The following SMARCC1 variants were observed in gnomAD, a reference collection of about 807,000 sequenced individuals.
SMARCC1 encodes the protein SWI/SNF related BAF chromatin remodeling complex subunit C1, also known as SWI/SNF complex subunit SMARCC1.
A neutral mutation model predicts 147.4 loss-of-function variants in SMARCC1; 43 were observed. That is an observed-to-expected ratio of 0.29 (90% CI 0.23 to 0.38). The LOEUF is 0.38. Among genes scored for constraint, SMARCC1 ranks in the 10% least tolerant of loss-of-function variants. The probability of loss-of-function intolerance (pLI) is 1.00; values close to 1 mark genes in which losing one functional copy is unlikely to be tolerated. For synonymous variants in SMARCC1, 495 were observed against 484.4 expected (o/e 1.02, Z -0.29); for missense variants, 1,119 against 1,381.1 (o/e 0.81, Z 3.01).
At chr3:47,732,963 C>A (rs2034393555) in intron 5 of SMARCC1, among the ~76,000 whole-genome samples, 1 of 151,868 alleles carries the variant, frequency 6.6e-6, no homozygotes, top group African/African-American at 2.4e-5. Context: ...CAAAAATTAG[C>A]CAGATGTGGT....
chr3:47,637,695 G>C (rs970622103), intron 22 of SMARCC1, among the ~76,000 whole-genome samples: 2 of 144,184 alleles, frequency 1.4e-5, no homozygotes, highest in Non-Finnish European at 3.0e-5. Flanking sequence ...CTGTGCGACA[G>C]AGTGAGACTC....
chr3:47,600,312 C>T (rs2032363162), intron 26 of SMARCC1, among the ~76,000 whole-genome samples: 2 of 152,166 alleles, frequency 1.3e-5, no homozygotes, highest in Admixed American at 6.5e-5. Context: ...TGTCCCTTTG[C>T]CATTCAGAGG....
chr3:47,701,580 C>T (rs949401322), intron 10 of SMARCC1, 178 bp from the exon 11 acceptor site: 42 of 568,644 alleles, frequency 7.4e-5, no homozygotes, highest in African/African-American at 6.6e-4. Context: ...TTTGGGAGGC[C>T]GAGGCAGGTG....
At chr3:47,602,046 G>C (rs1207703014) in intron 26 of SMARCC1, among the ~76,000 whole-genome samples, 1 of 152,010 alleles carries the variant, frequency 6.6e-6, no homozygotes, top group Non-Finnish European at 1.5e-5. Context: ...CCAGGGGTGG[G>C]TTAGAAAGTG....
intron 26 of SMARCC1, among the ~76,000 whole-genome samples, chr3:47,605,290 C>CAT (rs1304441280): frequency 1.3e-5 from 2 of 152,202 alleles, no homozygotes; most frequent in Non-Finnish European, 2.9e-5. Context: ...TATCAAAAGA[C>CAT]GTGCTCATGT....
chr3:47,597,389 C>T (rs1368816874), intron 26 of SMARCC1, among the ~76,000 whole-genome samples: 1 of 152,108 alleles, frequency 6.6e-6, no homozygotes, highest in Non-Finnish European at 1.5e-5. Flanking sequence ...GTTGCCCAGG[C>T]TGGAGTGCAG....
intron 1 of SMARCC1, among the ~76,000 whole-genome samples, chr3:47,777,981 G>A (rs138039544): frequency 0.045 from 6,731 of 150,950 alleles, 503 homozygotes; most frequent in African/African-American, 0.15. Flanking sequence ...TGAGGCTGGC[G>A]GATCACCTGA....
intron 6 of SMARCC1, among the ~76,000 whole-genome samples, chr3:47,721,972 T>C (rs1396700359): frequency 6.6e-6 from 1 of 152,166 alleles, no homozygotes; most frequent in African/African-American, 2.4e-5. Flanking sequence ...GGGCTATTAA[T>C]AAGTACACTC....
intron 26 of SMARCC1, among the ~76,000 whole-genome samples, chr3:47,595,892 G>A (rs986665663): frequency 1.3e-5 from 2 of 151,540 alleles, no homozygotes; most frequent in Admixed American, 6.6e-5. Flanking sequence ...GTGCCACCAC[G>A]CCCAGCTAAT....
chr3:47,734,289 T>A (rs956381618), intron 5 of SMARCC1, among the ~76,000 whole-genome samples: 4 of 152,080 alleles, frequency 2.6e-5, no homozygotes, highest in African/African-American at 9.7e-5. Flanking sequence ...ATGATACTAG[T>A]GAAAAAAGGA....
At chr3:47,671,192 A>AAAAAAAAAAAAC (rs1187503410) in intron 18 of SMARCC1, among the ~76,000 whole-genome samples, 1 of 147,932 alleles carries the variant, frequency 6.8e-6, no homozygotes, top group Non-Finnish European at 1.5e-5. Context: ...AAAAAAAAAA[A>AAAAAAAAAAAAC]AAAAAACACA....
chr3:47,630,744 T>C (rs2032875874), intron 24 of SMARCC1, among the ~76,000 whole-genome samples: 2 of 152,176 alleles, frequency 1.3e-5, no homozygotes, highest in South Asian at 4.1e-4. Context: ...GACTAAAGTA[T>C]ACAATGACAT....
Position 47,610,327 on chromosome 3 carries a change from G to A in SMARCC1, c.2782C>T (p.Leu928=). The stretch of plus-strand genomic sequence containing the variant: ...AGCAACTGCTGCCTCTGTTGTTCTA[G>A]CTGTAAGCAAAGGAAGTGGAAGAGA... ...ETIMDREKEA[L]EQQRQQLLTE... Residue 928 remains leucine, a splice_region_variant and synonymous_variant, in exon 26 of 28, where the codon CTA becomes TTA. Coordinates refer to ENST00000254480, the MANE Select transcript of SMARCC1 (RefSeq NM_003074.4). The A allele has an allele frequency of 6.2e-7, 1 of 1,614,106 alleles. No homozygotes were observed.
chr3:47,671,196 A>ACAAAAAAAAAAACAAC (rs1553681998), intron 18 of SMARCC1, among the ~76,000 whole-genome samples: 2 of 81,144 alleles, frequency 2.5e-5, no homozygotes, highest in African/African-American at 8.0e-5. Context: ...AAAAAAAAAA[A>ACAAAAAAAAAAACAAC]AACACACACA....
chr3:47,710,738 T>C lies in SMARCC1; in HGVS notation c.863A>G (p.Asp288Gly), dbSNP rs145098762. 1 of 1,613,466 alleles carries C rather than the reference T, an allele frequency of 6.2e-7. No individual in the cohort carries two copies. The highest frequency in any genetic ancestry group is 8.5e-7 in the Non-Finnish European group (1 of 1,179,672). ...AAAACTCACAGGCTTCCTATTTTCA[T>C]CCACCTCATAATCCTCCTCATTCAT... ...EWMNEEDYEV[D>G]ENRKPVSFRQ... The change falls in exon 9 of 28, where the codon GAT becomes GGT. Residue 288 changes from aspartate (D) to glycine (G), a missense_variant. Asp to Gly is a moderately conservative substitution (Grantham distance 94, BLOSUM62 -1). Coordinates refer to ENST00000254480, the MANE Select transcript of SMARCC1 (RefSeq NM_003074.4).
chr3:47,602,065 T>C (rs1309763620), intron 26 of SMARCC1, among the ~76,000 whole-genome samples: 2 of 152,070 alleles, frequency 1.3e-5, no homozygotes, highest in African/African-American at 4.8e-5. Context: ...TGGTGATTGG[T>C]TGTAATCCTT....
intron 7 of SMARCC1, 30 bp downstream of exon 7, chr3:47,720,636 A>T: frequency 7.1e-7 from 1 of 1,401,294 alleles, no homozygotes; most frequent in Non-Finnish European, 1.0e-6. Flanking sequence ...AGAAATCTTT[A>T]TACCAGGTCT....
At chr3:47,746,055 T>A in intron 2 of SMARCC1, 62 bp from the exon 3 acceptor site, 1 of 1,022,738 alleles carries the variant, frequency 9.8e-7, no homozygotes, top group Non-Finnish European at 1.5e-6. Context: ...ACTCATGTCT[T>A]AATTCTAAGT....
In SMARCC1 at chr3:47,638,758, C is replaced by T; in HGVS notation, c.2343G>A (p.Met781Ile). The change falls in exon 22 of 28, where the codon ATG (methionine) becomes ATA (isoleucine). Residue 781 changes from methionine (M) to isoleucine (I), a missense_variant. By Grantham distance (10) the Met-to-Ile change is conservative (BLOSUM62 1). Transcript: ENST00000254480. Reference protein sequence around the residue: ...EKLEGAEEEKMEADPDGQQPE... With the variant: ...EKLEGAEEEKIEADPDGQQPE... ...GCTGCTGACCATCAGGGTCGGCTTCCATTTTTTCCTCTTCAGCTCCTTCTA... is the reference window on the plus strand; with the variant it reads ...GCTGCTGACCATCAGGGTCGGCTTCTATTTTTTCCTCTTCAGCTCCTTCTA... 1 of 1,613,454 alleles carries T rather than the reference C, an allele frequency of 6.2e-7. No homozygotes were observed. The highest frequency in any genetic ancestry group is 1.7e-4 in the Middle Eastern group (1 of 6,058).
Sources: gnomAD v4.1 joint callset for allele counts (sites outside exome capture counted in the v4.1 genomes callset) on GRCh38, gnomAD v4.1.1 for gene constraint, MANE v1.5 for transcripts, NCBI Gene and HGNC (gene_info 2026-07-23, HGNC 2026-07-21) for gene names.